ZNF704: variants seen among roughly 807,000 people sequenced by gnomAD.
ZNF704 encodes zinc finger protein 704.
ZNF704 carries 10 observed loss-of-function variants against 44.7 expected under a neutral mutation model. The observed-to-expected ratio is 0.22, with a 90% confidence interval of 0.14 to 0.38. The LOEUF is 0.38. Among genes scored for constraint, ZNF704 ranks in the 10% least tolerant of loss-of-function variants. ZNF704 has a pLI of 1.00. For synonymous variants in ZNF704, 211 were observed against 207.6 expected (o/e 1.02, Z -0.14); for missense variants, 390 against 545.5 (o/e 0.71, Z 2.84).
chr8:80,805,697 C>T (rs1003488265), intron 2 of ZNF704, among the ~76,000 whole-genome samples: 1 of 152,140 alleles, frequency 6.6e-6, no homozygotes, highest in African/African-American at 2.4e-5. Context: ...TTCTACCTAT[C>T]AAATTAAGCA....
intron 1 of ZNF704, among the ~76,000 whole-genome samples, chr8:80,822,473 T>C (rs1808293342): frequency 6.6e-6 from 1 of 152,210 alleles, no homozygotes; most frequent in African/African-American, 2.4e-5. Flanking sequence ...TGGTTCCAAC[T>C]CTTTGCTATT....
chr8:80,795,922 T>C (rs1442730290), intron 2 of ZNF704, among the ~76,000 whole-genome samples: 1 of 152,146 alleles, frequency 6.6e-6, no homozygotes, highest in African/African-American at 2.4e-5. Context: ...CAAATGCCTC[T>C]TGTGGGTAGA....
At chr8:80,789,285 G>A (rs1807664195) in intron 2 of ZNF704, among the ~76,000 whole-genome samples, 1 of 152,170 alleles carries the variant, frequency 6.6e-6, no homozygotes, top group African/African-American at 2.4e-5. Flanking sequence ...AGCATAATTA[G>A]TATGGTCTGG....
chr8:80,740,042 G>A (rs376003647), intron 2 of ZNF704, among the ~76,000 whole-genome samples: 4 of 152,188 alleles, frequency 2.6e-5, no homozygotes, highest in East Asian at 1.9e-4. Flanking sequence ...ATGCTGGCAC[G>A]ACCTTCTCAG....
Position 80,874,211 on chromosome 8 carries a change from C to T in ZNF704, c.-22+360G>A, listed in dbSNP as rs1412942990. ...CTGCCACTGGCTGCAGAGGCGCGGGCGCCGCCTTCGCTGGACCGGCCGGCG... is the reference window on the plus strand; with the variant it reads ...CTGCCACTGGCTGCAGAGGCGCGGGTGCCGCCTTCGCTGGACCGGCCGGCG... On this transcript the variant is annotated intron_variant, in intron 1 of 8. Coordinates refer to ENST00000327835, the MANE Select transcript of ZNF704 (RefSeq NM_001033723.3). The surrounding 1 kb of genome is among the most constrained non-coding windows in gnomAD (Gnocchi z 4.4). Among the ~76,000 whole-genome samples, 1 of 146,114 alleles carries T rather than the reference C, an allele frequency of 6.8e-6. No homozygotes were observed. Among genetic ancestry groups the T allele is most frequent in the East Asian group, 2.0e-4 (1 of 5,034 alleles).
chr8:80,768,943 A>G (rs1302449996), intron 2 of ZNF704, among the ~76,000 whole-genome samples: 2 of 152,190 alleles, frequency 1.3e-5, no homozygotes, highest in Non-Finnish European at 2.9e-5. Context: ...CTGAAATCTA[A>G]CATATCACAA....
At chr8:80,647,353 G>T (rs1014205107) in intron 7 of ZNF704, among the ~76,000 whole-genome samples, 1 of 152,186 alleles carries the variant, frequency 6.6e-6, no homozygotes, top group Non-Finnish European at 1.5e-5. Context: ...CTTTGTGGGA[G>T]GTGGAGGGTG....
chr8:80,665,439 C>T (rs1197976652), intron 5 of ZNF704, among the ~76,000 whole-genome samples: 4 of 145,332 alleles, frequency 2.8e-5, no homozygotes, highest in Non-Finnish European at 1.5e-5. Flanking sequence ...CAAGAAACCC[C>T]TAAAGAAACA....
At chr8:80,821,286 T>G (rs1373172428) in intron 2 of ZNF704, 88 bp downstream of exon 2, 2 of 1,346,042 alleles carry the variant, frequency 1.5e-6, no homozygotes, top group Non-Finnish European at 2.1e-6. Flanking sequence ...GTCTATATAC[T>G]GAAGAGAGTC....
At chr8:80,667,266 A>G (rs1031029278) in intron 5 of ZNF704, among the ~76,000 whole-genome samples, 6 of 152,204 alleles carry the variant, frequency 3.9e-5, no homozygotes, top group African/African-American at 1.4e-4. Flanking sequence ...TTGCATTCTG[A>G]ATGTGGTGGA....
intron 1 of ZNF704, among the ~76,000 whole-genome samples, chr8:80,829,097 TAA>T (rs894322581): frequency 4.4e-4 from 67 of 152,268 alleles, no homozygotes; most frequent in African/African-American, 1.6e-3. Flanking sequence ...TGAAATCAAA[TAA>T]AGATAAAAGA....
chr8:80,675,324 G>A (rs1397125098), intron 4 of ZNF704, among the ~76,000 whole-genome samples: 1 of 152,302 alleles, frequency 6.6e-6, no homozygotes, highest in Non-Finnish European at 1.5e-5. Context: ...AAATGTGGGA[G>A]GGAGTGATTT....
rs1278397814 is a variant in ZNF704, at chr8:80,637,046, A to T, written c.*4320T>A. ...ACGTGAGTCTAGGAATACCACCCCC[A>T]CCCCGTCCCCCTCCCCCACCCCCAG... is the stretch of plus-strand genomic sequence containing the variant. On this transcript the variant is annotated 3_prime_UTR_variant, in exon 9 of 9. Transcript: ENST00000327835. 9.3e-6 allele frequency: 1 copy of T among 107,052 alleles called. No individual in the cohort carries two copies. Among genetic ancestry groups the T allele is most frequent in the South Asian group, 2.9e-4 (1 of 3,400 alleles). 6.6% of individuals were successfully genotyped at this position (107,052 alleles called of 1,614,324 possible).
intron 2 of ZNF704, among the ~76,000 whole-genome samples, chr8:80,804,664 T>C (rs1056069513): frequency 1.6e-4 from 24 of 151,834 alleles, no homozygotes; most frequent in Non-Finnish European, 2.2e-4. Flanking sequence ...AAAACACACA[T>C]TGGGGCCTGT....
At chr8:80,662,445 A>C (rs1310210315) in intron 6 of ZNF704, among the ~76,000 whole-genome samples, 2 of 152,204 alleles carry the variant, frequency 1.3e-5, no homozygotes, top group Non-Finnish European at 2.9e-5. Flanking sequence ...GATTTAACTA[A>C]GTTAGTACCC....
intron 2 of ZNF704, among the ~76,000 whole-genome samples, chr8:80,763,063 G>T (rs1807158540): frequency 6.6e-6 from 1 of 152,240 alleles, no homozygotes; most frequent in Non-Finnish European, 1.5e-5. Context: ...CTGTGGCTTT[G>T]CAGGGTACAA....
intron 2 of ZNF704, among the ~76,000 whole-genome samples, chr8:80,746,852 TCC>T (rs1325693887): frequency 1.3e-5 from 2 of 152,010 alleles, no homozygotes; most frequent in African/African-American, 4.8e-5. Context: ...AGGCAAAAGG[TCC>T]TCACAATTCA....
chr8:80,807,134 T>C (rs1808002515), intron 2 of ZNF704, among the ~76,000 whole-genome samples: 3 of 152,208 alleles, frequency 2.0e-5, no homozygotes, highest in Non-Finnish European at 4.4e-5. Context: ...ATGTCTTCCT[T>C]TATTTACAAG....
At chr8:80,698,964 C>T (rs1354306094) in intron 2 of ZNF704, among the ~76,000 whole-genome samples, 1 of 152,144 alleles carries the variant, frequency 6.6e-6, no homozygotes, top group Non-Finnish European at 1.5e-5. Context: ...AGATGTTTTA[C>T]ACCTTGGAGA....
Sources: gnomAD v4.1 joint callset for allele counts (sites outside exome capture counted in the v4.1 genomes callset) on GRCh38, gnomAD v4.1.1 for gene constraint, Gnocchi (gnomAD v3.1) non-coding constraint, MANE v1.5 for transcripts, NCBI Gene and HGNC (gene_info 2026-07-23, HGNC 2026-07-21) for gene names.